FAT3: variants seen among roughly 807,000 people sequenced by gnomAD.
FAT3 encodes protocadherin Fat 3.
Under a neutral mutation model 310.2 loss-of-function variants are expected in FAT3, and 95 were observed. That is an observed-to-expected ratio of 0.31 (90% CI 0.26 to 0.36). The LOEUF is 0.36. FAT3 is among the 10% of genes least tolerant of loss of function. FAT3 has a pLI of 1.00. For missense variants in FAT3, 5,408 were observed against 5,715.6 expected (o/e 0.95, Z 1.74); for synonymous variants, 2,314 against 2,192.9 (o/e 1.06, Z -1.54).
intron 1 of FAT3, among the ~76,000 whole-genome samples, chr11:92,341,592 T>C (rs1297508564): frequency 6.6e-6 from 1 of 152,232 alleles, no homozygotes; most frequent in African/African-American, 2.4e-5. Flanking sequence ...TTTTGGATTG[T>C]ATTCCTTGAC....
At chr11:92,877,968 A>G (rs1949570866) in intron 22 of FAT3, among the ~76,000 whole-genome samples, 1 of 152,226 alleles carries the variant, frequency 6.6e-6, no homozygotes, top group Non-Finnish European at 1.5e-5. Flanking sequence ...TCTACTGAGT[A>G]TATATTGCTT....
chr11:92,553,479 A>T (rs772199903), intron 3 of FAT3, among the ~76,000 whole-genome samples: 37 of 152,296 alleles, frequency 2.4e-4, no homozygotes, highest in Admixed American at 1.6e-3. Flanking sequence ...GTGTTCTGAC[A>T]TTGGGTTCTG....
At chr11:92,525,098 T>C in intron 3 of FAT3, 150 bp downstream of exon 3, 1 of 682,242 alleles carries the variant, frequency 1.5e-6, no homozygotes, top group Non-Finnish European at 2.4e-6. Flanking sequence ...GTGCCACTTC[T>C]GCCTATGTGG....
intron 19 of FAT3, among the ~76,000 whole-genome samples, chr11:92,845,633 T>A (rs1157094890): frequency 6.6e-6 from 1 of 152,206 alleles, no homozygotes; most frequent in Non-Finnish European, 1.5e-5. Flanking sequence ...CTCTCTCTTT[T>A]CCTCCGTCTG....
chr11:92,269,819 C>T (rs1946074543), intron 1 of FAT3, among the ~76,000 whole-genome samples: 3 of 152,208 alleles, frequency 2.0e-5, no homozygotes, highest in South Asian at 2.1e-4. Context: ...AGCCACTGTA[C>T]CCCACTTCCC....
Position 92,782,594 on chromosome 11 carries a change from A to G in FAT3, c.4336-7349A>G, listed in dbSNP as rs115393455. On this transcript the variant is annotated intron_variant, in intron 7 of 27. Coordinates refer to ENST00000525166, the MANE Select transcript of FAT3 (RefSeq NM_001367949.2). ...TTAATTAAAATAAAATTTAAAAGAT[A>G]GGAAAATCAGCTTGTATCTCTATGC... Among the ~76,000 whole-genome samples, 1,360 of 152,326 alleles carry G rather than the reference A, an allele frequency of 8.9e-3. 18 individuals carry two copies. Among genetic ancestry groups the G allele is most frequent in the African/African-American group, 0.028 (1,179 of 41,564 alleles).
intron 22 of FAT3, among the ~76,000 whole-genome samples, chr11:92,868,203 A>G (rs1176389866): frequency 6.6e-6 from 1 of 152,188 alleles, no homozygotes; most frequent in African/African-American, 2.4e-5. Context: ...ATTACCATCT[A>G]ATGTTCGTGA....
intron 13 of FAT3, among the ~76,000 whole-genome samples, chr11:92,810,667 G>A (rs1947643903): frequency 6.6e-6 from 1 of 152,126 alleles, no homozygotes; most frequent in South Asian, 2.1e-4. Context: ...GGGGAGATAA[G>A]GAATTAGAAT....
intron 3 of FAT3, among the ~76,000 whole-genome samples, chr11:92,696,287 G>T (rs560341172): frequency 2.0e-5 from 3 of 152,074 alleles, no homozygotes; most frequent in African/African-American, 7.2e-5. Context: ...GAGAGGAGGG[G>T]CTAGCTTGTA....
intron 2 of FAT3, among the ~76,000 whole-genome samples, chr11:92,447,548 C>T (rs1030914100): frequency 6.6e-6 from 1 of 152,136 alleles, no homozygotes; most frequent in Non-Finnish European, 1.5e-5. Flanking sequence ...TTTCATTTTC[C>T]CCAAACTGAA....
intron 2 of FAT3, among the ~76,000 whole-genome samples, chr11:92,506,133 C>T (rs1953092008): frequency 6.6e-6 from 1 of 152,172 alleles, no homozygotes; most frequent in African/African-American, 2.4e-5. Flanking sequence ...CCAGAATGGT[C>T]TCCTTGAACT....
rs535704491 is a variant in FAT3 at position 92,385,431 on chromosome 11, A to C, written c.3292+30027A>C. ...TGCCCAGGCTGGGGTGCAGTGTCACAATCTTGGCTCACTGCAGTCTCTGCC... is the reference window on the plus strand; with the variant it reads ...TGCCCAGGCTGGGGTGCAGTGTCACCATCTTGGCTCACTGCAGTCTCTGCC... On this transcript the variant is annotated intron_variant, in intron 2 of 27. Coordinates refer to ENST00000525166, the MANE Select transcript of FAT3 (RefSeq NM_001367949.2). Among the ~76,000 whole-genome samples the C allele has an allele frequency of 3.3e-5, 5 of 152,210 alleles. No homozygotes were observed. In the South Asian group the frequency reaches 6.2e-4, roughly 19 times the overall value.
intron 2 of FAT3, among the ~76,000 whole-genome samples, chr11:92,407,741 A>G (rs1950163514): frequency 6.6e-6 from 1 of 152,210 alleles, no homozygotes; most frequent in South Asian, 2.1e-4. Flanking sequence ...ACACGTATTA[A>G]TTCCAGTTGT....
intron 3 of FAT3, among the ~76,000 whole-genome samples, chr11:92,557,181 A>T (rs1050166903): frequency 2.6e-5 from 4 of 151,666 alleles, no homozygotes; most frequent in Admixed American, 2.6e-4. Flanking sequence ...CTTGGTTCGG[A>T]TTTTATGGAG....
chr11:92,622,272 A>G lies in FAT3; in HGVS notation c.3608-75112A>G, dbSNP rs1163927418. On this transcript the variant is annotated intron_variant, in intron 3 of 27. Coordinates refer to ENST00000525166, the MANE Select transcript of FAT3 (RefSeq NM_001367949.2). The stretch of plus-strand genomic sequence containing the variant: ...GGACTCCAGCATAGGCAAGAGCAAG[A>G]CTCCATCTCAAAAAAAAAAATGGTG... 3.1e-5 allele frequency among the ~76,000 whole-genome samples: 4 copies of G among 130,044 alleles called. No individual in the cohort carries two copies. In the East Asian group the frequency reaches 1.0e-3, roughly 33 times the overall value. 85.3% of individuals were successfully genotyped at this position (130,044 alleles called of 152,430 possible).
chr11:92,282,291 G>A (rs769932102), intron 1 of FAT3, among the ~76,000 whole-genome samples: 1 of 152,062 alleles, frequency 6.6e-6, no homozygotes, highest in African/African-American at 2.4e-5. Flanking sequence ...CACCTGCCTT[G>A]TATTAGCCAT....
intron 26 of FAT3, among the ~76,000 whole-genome samples, chr11:92,889,451 C>A (rs7128750): frequency 8.6e-5 from 13 of 151,290 alleles, no homozygotes; most frequent in African/African-American, 3.1e-4. Context: ...TATAAGGTAC[C>A]CTCTTTATAA....
chr11:92,451,286 T>C (rs1415513922), intron 2 of FAT3, among the ~76,000 whole-genome samples: 1 of 152,146 alleles, frequency 6.6e-6, no homozygotes, highest in Admixed American at 6.6e-5. Flanking sequence ...CTAAGCATTT[T>C]AATTTGGATG....
At chr11:92,390,321 G>A (rs911877955) in intron 2 of FAT3, among the ~76,000 whole-genome samples, 1 of 152,148 alleles carries the variant, frequency 6.6e-6, no homozygotes, top group Non-Finnish European at 1.5e-5. Context: ...GGGCTGCTGT[G>A]ATGGGACTGG....
Sources: allele counts gnomAD v4.1 joint callset (sites outside exome capture counted in the v4.1 genomes callset), GRCh38; gene constraint gnomAD v4.1.1; transcripts MANE v1.5; gene names NCBI Gene and HGNC (gene_info 2026-07-23, HGNC 2026-07-21).